The following COL6A6 variants were observed in gnomAD, a reference collection of about 807,000 sequenced individuals.
COL6A6 encodes collagen alpha-6(VI) chain.
A neutral mutation model predicts 208.6 loss-of-function variants in COL6A6; 183 were observed. The observed-to-expected ratio is 0.88, with a 90% CI of 0.78 to 0.99. The LOEUF (loss-of-function observed/expected upper bound fraction) is 0.99. Among genes scored for constraint, COL6A6 ranks in the 50% least tolerant of loss-of-function variants. The pLI is 0.00. For missense variants in COL6A6, 2,816 were observed against 2,815.2 expected (o/e 1.00, Z -0.01); for synonymous variants, 973 against 1,011.8 (o/e 0.96, Z 0.73).
chr3:130,544,241 A>G (rs2062441329), intron 1 of COL6A6, among the ~76,000 whole-genome samples: 1 of 152,266 alleles, frequency 6.6e-6, no homozygotes, highest in South Asian at 2.1e-4. Context: ...ACATATAAGT[A>G]AGATCATAAG....
intron 33 of COL6A6, 21 bp downstream of exon 33, chr3:130,649,583 A>G (rs775548746): frequency 2.1e-5 from 32 of 1,540,140 alleles, no homozygotes; most frequent in Non-Finnish European, 2.7e-5. Flanking sequence ...GAAACCTTTC[A>G]CATGACAATT....
At chr3:130,635,805 G>C (rs1186759912) in intron 28 of COL6A6, 44 bp downstream of exon 28, 4 of 1,361,010 alleles carry the variant, frequency 2.9e-6, no homozygotes, top group Non-Finnish European at 4.2e-6. Context: ...CACTACATTG[G>C]GAAGTCCTCC....
intron 1 of COL6A6, among the ~76,000 whole-genome samples, chr3:130,544,191 C>T (rs1296113263): frequency 6.6e-6 from 1 of 152,184 alleles, no homozygotes; most frequent in African/African-American, 2.4e-5. Flanking sequence ...CCATGTCATT[C>T]TCTATTTCTA....
chr3:130,646,877 G>A (rs2065474752), intron 32 of COL6A6, among the ~76,000 whole-genome samples: 1 of 152,122 alleles, frequency 6.6e-6, no homozygotes, highest in Non-Finnish European at 1.5e-5. Context: ...ATATTACTTG[G>A]GCTGCTATGG....
At chr3:130,647,771 TA>T (rs1345467859) in intron 32 of COL6A6, among the ~76,000 whole-genome samples, 1 of 152,254 alleles carries the variant, frequency 6.6e-6, no homozygotes, top group Non-Finnish European at 1.5e-5. Context: ...TTGCTGTGTT[TA>T]TTATCTCTGA....
chr3:130,665,295 C>CT (rs149597952), intron 36 of COL6A6, among the ~76,000 whole-genome samples, 199 bp downstream of exon 36: 145 of 146,982 alleles, frequency 9.9e-4, no homozygotes, highest in African/African-American at 2.7e-3. Context: ...AAACAAATTG[C>CT]TTTTTTTTTT....
intron 36 of COL6A6, among the ~76,000 whole-genome samples, chr3:130,670,988 G>A (rs1033184327): frequency 1.3e-5 from 2 of 152,158 alleles, no homozygotes; most frequent in African/African-American, 4.8e-5. Flanking sequence ...TCTGCTGTAG[G>A]TTGGGATGGC....
intron 26 of COL6A6, among the ~76,000 whole-genome samples, chr3:130,634,210 A>AAAAAT (rs2065031054): frequency 2.0e-5 from 1 of 50,322 alleles, no homozygotes; most frequent in Non-Finnish European, 2.9e-5. Context: ...GTTAAAAAAA[A>AAAAAT]AAATAAATAA....
intron 10 of COL6A6, among the ~76,000 whole-genome samples, chr3:130,585,052 T>C (rs2063506786): frequency 6.6e-6 from 1 of 152,168 alleles, no homozygotes; most frequent in South Asian, 2.1e-4. Flanking sequence ...TCATATAAAT[T>C]TATTTAAGAA....
At chr3:130,622,202 T>TCCC (rs1553711183) in intron 24 of COL6A6, among the ~76,000 whole-genome samples, 2 of 57,058 alleles carry the variant, frequency 3.5e-5, no homozygotes, top group Admixed American at 2.3e-4. Flanking sequence ...TCCCCCCGCC[T>TCCC]ACCCCCCCCT....
chr3:130,586,365 T>C, intron 10 of COL6A6, 141 bp from the exon 11 acceptor site: 1 of 644,804 alleles, frequency 1.6e-6, no homozygotes, highest in Non-Finnish European at 2.6e-6. Context: ...CAGGTTTACA[T>C]CATGTGTTTG....
At chr3:130,543,799 C>G (rs542723781) in intron 1 of COL6A6, among the ~76,000 whole-genome samples, 5 of 151,920 alleles carry the variant, frequency 3.3e-5, no homozygotes, top group African/African-American at 1.2e-4. Context: ...TTTTCTGATG[C>G]TTTTTATGTA....
chr3:130,597,708 C>T (rs1046631707), intron 18 of COL6A6, among the ~76,000 whole-genome samples: 5 of 152,298 alleles, frequency 3.3e-5, no homozygotes, highest in South Asian at 2.1e-4. Flanking sequence ...TATCCCACAA[C>T]GTATGCTTGT....
intron 20 of COL6A6, among the ~76,000 whole-genome samples, chr3:130,605,653 C>A (rs2064159277): frequency 6.6e-6 from 1 of 152,154 alleles, no homozygotes; most frequent in African/African-American, 2.4e-5. Flanking sequence ...GACTTCTAAT[C>A]ATTTCCCCGA....
At chr3:130,580,434 A>C (rs2063392895) in intron 8 of COL6A6, among the ~76,000 whole-genome samples, 4 of 152,154 alleles carry the variant, frequency 2.6e-5, no homozygotes, top group South Asian at 2.1e-4. Flanking sequence ...ATTCTCATTA[A>C]AAATCAAGTT....
At position 130,593,245 on chromosome 3, in the gene COL6A6, G is replaced by A; in HGVS notation, c.4463G>A (p.Gly1488Glu). The change falls in exon 17 of 37, where the codon GGA (glycine) becomes GAA (glutamate). Residue 1488 changes from glycine to glutamate, a missense_variant. Transcript: ENST00000358511. Reference protein sequence around the residue: ...PGRKGEKGDEGSQGSPGKRGT... With the variant: ...PGRKGEKGDEESQGSPGKRGT... ...AGAAAAGGAGAAAAGGGAGATGAGGGATCTCAGGTAGGGATTTGAAAAGGA... is the reference window on the plus strand; with the variant it reads ...AGAAAAGGAGAAAAGGGAGATGAGGAATCTCAGGTAGGGATTTGAAAAGGA... 1 of 1,609,364 alleles carries A rather than the reference G, an allele frequency of 6.2e-7. No individual in the cohort carries two copies. The highest frequency in any genetic ancestry group is 8.5e-7 in the Non-Finnish European group (1 of 1,175,748).
intron 1 of COL6A6, among the ~76,000 whole-genome samples, chr3:130,539,185 A>G (rs2062296093): frequency 6.6e-6 from 1 of 152,184 alleles, no homozygotes; most frequent in South Asian, 2.1e-4. Flanking sequence ...TCATTTAGCC[A>G]TTGCAAGTGG....
intron 22 of COL6A6, 130 bp downstream of exon 22, chr3:130,609,094 A>T (rs2064274572): frequency 1.5e-6 from 1 of 687,884 alleles, no homozygotes; most frequent in Non-Finnish European, 2.5e-6. Flanking sequence ...ATGGTAATAA[A>T]GTAAGGAAGC....
At chr3:130,555,973 A>C (rs544162514) in intron 1 of COL6A6, among the ~76,000 whole-genome samples, 37 of 152,134 alleles carry the variant, frequency 2.4e-4, no homozygotes, top group Non-Finnish European at 4.7e-4. Context: ...TTTTAGTGTG[A>C]CCATCAACCA....
Sources: allele counts gnomAD v4.1 joint callset (sites outside exome capture counted in the v4.1 genomes callset), GRCh38; gene constraint gnomAD v4.1.1; transcripts MANE v1.5; gene names NCBI Gene and HGNC (gene_info 2026-07-23, HGNC 2026-07-21).